Variants in MAJIN observed in about 807,000 individuals in gnomAD.
The protein encoded by MAJIN is membrane anchored junction protein.
Under a neutral mutation model 30.2 loss-of-function variants are expected in MAJIN, and 27 were observed. The observed-to-expected ratio is 0.89, with a 90% confidence interval of 0.66 to 1.23. MAJIN has a LOEUF of 1.23. Among genes scored for constraint, MAJIN ranks in the 50% most tolerant of loss-of-function variants. The pLI, the probability that MAJIN is intolerant of heterozygous loss-of-function variation, is 0.00. For missense variants in MAJIN, 253 were observed against 260.3 expected (o/e 0.97, Z 0.19); for synonymous variants, 78 against 91.6 (o/e 0.85, Z 0.85).
intron 6 of MAJIN, among the ~76,000 whole-genome samples, chr11:64,948,639 ATT>A (rs71049670): frequency 1.6e-3 from 29 of 18,448 alleles, no homozygotes; most frequent in South Asian, 4.5e-3. Context: ...ATATATATAT[ATT>A]TTTTTTTTTT....
chr11:64,939,384 G>A (rs1461900639), intron 10 of MAJIN, among the ~76,000 whole-genome samples: 1 of 152,224 alleles, frequency 6.6e-6, no homozygotes, highest in Non-Finnish European at 1.5e-5. Flanking sequence ...ATAGGCATGA[G>A]CCACCCGGCC....
intron 6 of MAJIN, among the ~76,000 whole-genome samples, chr11:64,948,610 TATATATATATATATATATATATATATA>T (rs1565126836): frequency 3.4e-5 from 1 of 29,592 alleles, no homozygotes; most frequent in African/African-American, 2.5e-4. Context: ...ATCATATATA[TATATATATATATATATATATATATATA>T]TATTTTTTTT....
At chr11:64,942,068 C>A (rs979766685) in intron 8 of MAJIN, among the ~76,000 whole-genome samples, 1 of 152,158 alleles carries the variant, frequency 6.6e-6, no homozygotes, top group African/African-American at 2.4e-5. Flanking sequence ...AGGCCCACAA[C>A]ATTTTCCAGT....
chr11:64,969,295 T>G (rs766451072), intron 1 of MAJIN, among the ~76,000 whole-genome samples: 1 of 151,956 alleles, frequency 6.6e-6, no homozygotes, highest in Non-Finnish European at 1.5e-5. Context: ...AAATATACAT[T>G]TGAGTCACCA....
chr11:64,961,674 C>T (rs564431060), intron 1 of MAJIN, among the ~76,000 whole-genome samples: 22 of 151,166 alleles, frequency 1.5e-4, no homozygotes, highest in African/African-American at 5.3e-4. Flanking sequence ...GACGGGGTTT[C>T]ACCGTGTTAG....
At chr11:64,948,409 A>G (rs1202411541) in intron 6 of MAJIN, among the ~76,000 whole-genome samples, 2 of 151,148 alleles carry the variant, frequency 1.3e-5, no homozygotes, top group East Asian at 3.9e-4. Flanking sequence ...AGATATTTTG[A>G]GGCAAGGCCT....
At chr11:64,940,752 G>A in intron 8 of MAJIN, 106 bp from the exon 9 acceptor site, 1 of 938,490 alleles carries the variant, frequency 1.1e-6, no homozygotes, top group Non-Finnish European at 1.7e-6. Context: ...ACTGGGGCCT[G>A]GCTTCTGACT....
intron 3 of MAJIN, among the ~76,000 whole-genome samples, chr11:64,957,886 C>T (rs57814428): frequency 1.3e-5 from 2 of 151,880 alleles, no homozygotes; most frequent in African/African-American, 4.8e-5. Flanking sequence ...TTAATAATAC[C>T]GTATTTGTTG....
At chr11:64,962,220 A>G (rs1945738933) in intron 1 of MAJIN, among the ~76,000 whole-genome samples, 1 of 152,234 alleles carries the variant, frequency 6.6e-6, no homozygotes, top group Non-Finnish European at 1.5e-5. Flanking sequence ...GTGTTGTACC[A>G]CAGCTGGCTG....
intron 1 of MAJIN, among the ~76,000 whole-genome samples, 165 bp downstream of exon 1, chr11:64,971,712 C>T (rs1945909525): frequency 6.6e-6 from 1 of 152,258 alleles, no homozygotes; most frequent in African/African-American, 2.4e-5. Flanking sequence ...CCTGGGCGAG[C>T]TTGCTGGGTG....
intron 8 of MAJIN, among the ~76,000 whole-genome samples, chr11:64,946,996 AT>A (rs1945461689): frequency 1.3e-5 from 2 of 152,114 alleles, no homozygotes; most frequent in South Asian, 4.1e-4. Flanking sequence ...ATTATATTTT[AT>A]TTGTTCTTAC....
At chr11:64,943,061 C>G (rs1463569829) in intron 8 of MAJIN, among the ~76,000 whole-genome samples, 1 of 152,102 alleles carries the variant, frequency 6.6e-6, no homozygotes, top group Non-Finnish European at 1.5e-5. Flanking sequence ...AGAGAGAAAA[C>G]ATTATAGCTG....
At chr11:64,955,001 C>A (rs1457057683) in intron 3 of MAJIN, among the ~76,000 whole-genome samples, 199 bp from the exon 4 acceptor site, 2 of 152,254 alleles carry the variant, frequency 1.3e-5, no homozygotes, top group African/African-American at 4.8e-5. Flanking sequence ...AAAATGACTT[C>A]TCAACCTGCC....
At chr11:64,954,940 G>T in intron 3 of MAJIN, 138 bp from the exon 4 acceptor site, 3 of 751,214 alleles carry the variant, frequency 4.0e-6, no homozygotes, top group East Asian at 2.7e-5. Flanking sequence ...CTGACCCAGT[G>T]CTCATGGGGA....
Position 64,964,733 on chromosome 11 carries a change from CCCA to C in MAJIN, c.-64-4601_-64-4599del, listed in dbSNP as rs1945780531. On this transcript the variant is annotated intron_variant, in intron 1 of 10. Coordinates refer to ENST00000301896, the MANE Select transcript of MAJIN (RefSeq NM_001037225.3). ...TCTCGAGTAGCTTGTACTACAGGCA[CCCA>C]CCACCACACCTGGCTAATTTTTGTA... 4.0e-5 allele frequency among the ~76,000 whole-genome samples: 6 copies of C among 151,776 alleles called. No individual in the cohort carries two copies. In the South Asian group the frequency reaches 1.2e-3, roughly 32 times the overall value.
intron 1 of MAJIN, among the ~76,000 whole-genome samples, chr11:64,963,388 A>G (rs937742451): frequency 6.6e-6 from 1 of 152,236 alleles, no homozygotes; most frequent in African/African-American, 2.4e-5. Context: ...TAGAACCTGA[A>G]GCAGGGCCAA....
At chr11:64,959,093 CAAAAAAA>C (rs34562472) in intron 3 of MAJIN, among the ~76,000 whole-genome samples, 23 of 53,590 alleles carry the variant, frequency 4.3e-4, no homozygotes, top group East Asian at 1.1e-3. Context: ...TGCTTCTCTT[CAAAAAAA>C]AAAAAAAAAA....
chr11:64,946,887 C>T (rs2136738915), intron 8 of MAJIN, among the ~76,000 whole-genome samples: 1 of 152,268 alleles, frequency 6.6e-6, no homozygotes, highest in East Asian at 1.9e-4. Flanking sequence ...CACAGCACCC[C>T]ACCCAATGAT....
chr11:64,954,606 C>T (rs754158075), intron 4 of MAJIN, 151 bp downstream of exon 4: 13 of 766,404 alleles, frequency 1.7e-5, no homozygotes, highest in Non-Finnish European at 2.5e-5. Flanking sequence ...CATGGAAAAA[C>T]ATAAAGTTCC....
Sources: allele counts gnomAD v4.1 joint callset (sites outside exome capture counted in the v4.1 genomes callset), GRCh38; gene constraint gnomAD v4.1.1; transcripts MANE v1.5; gene names NCBI Gene and HGNC (gene_info 2026-07-23, HGNC 2026-07-21).